Variants in KHDRBS3 observed in about 807,000 individuals in gnomAD.
The protein encoded by KHDRBS3 is KH domain-containing, RNA-binding, signal transduction-associated protein 3.
Under a neutral mutation model 45.6 loss-of-function variants are expected in KHDRBS3, and 23 were observed. The observed-to-expected ratio is 0.50, with a 90% CI of 0.36 to 0.72. KHDRBS3 has a LOEUF of 0.72. Among genes scored for constraint, KHDRBS3 ranks in the 30% least tolerant of loss-of-function variants. The pLI is 0.00. For missense variants in KHDRBS3, 352 were observed against 424.8 expected (o/e 0.83, Z 1.51); for synonymous variants, 162 against 156.5 (o/e 1.04, Z -0.26).
At chr8:135,537,341 C>T (rs184363700) in intron 2 of KHDRBS3, among the ~76,000 whole-genome samples, 4 of 152,210 alleles carry the variant, frequency 2.6e-5, no homozygotes, top group East Asian at 1.9e-4. Flanking sequence ...TAATGGAGAC[C>T]GTGACAGGTT....
chr8:135,516,383 T>C (rs1294942578), intron 1 of KHDRBS3, among the ~76,000 whole-genome samples: 2 of 152,198 alleles, frequency 1.3e-5, no homozygotes, highest in African/African-American at 4.8e-5. Context: ...CACAAACATG[T>C]AATGCTTTGT....
At chr8:135,604,964 A>G (rs974058767) in intron 6 of KHDRBS3, among the ~76,000 whole-genome samples, 15 of 149,140 alleles carry the variant, frequency 1.0e-4, no homozygotes, top group South Asian at 2.1e-4. Context: ...ATGGCTTCCT[A>G]TTGTCTTCTG....
chr8:135,485,371 G>A (rs971002840), intron 1 of KHDRBS3, among the ~76,000 whole-genome samples: 4 of 151,910 alleles, frequency 2.6e-5, no homozygotes, highest in Non-Finnish European at 4.4e-5. Flanking sequence ...GGCCTTACAG[G>A]ATGAGTAAGA....
At position 135,457,838 on chromosome 8, in the gene KHDRBS3, C is replaced by T; in HGVS notation, c.-29C>T. On this transcript the variant is annotated 5_prime_UTR_variant, in exon 1 of 9. Coordinates refer to ENST00000355849, the MANE Select transcript of KHDRBS3 (RefSeq NM_006558.3). This position sits in a 1 kb window ranked among gnomAD's most constrained non-coding sequence, Gnocchi z 4.4. ...GCGCCGCCCCCCGTGCGCCTGGAGT[C>T]CACATCCCGGGCCCGGCGGCCGGCG... The T allele has an allele frequency of 6.6e-7, 1 of 1,514,634 alleles. No individual in the cohort carries two copies. The allele number at this position is 1,514,634 out of a possible 1,614,324, so 93.8% of individuals were successfully genotyped here. A position where few individuals can be genotyped will look rare whatever the true frequency, so the allele number is the denominator to read the frequency against.
chr8:135,525,716 G>T (rs1468771838), intron 2 of KHDRBS3, among the ~76,000 whole-genome samples: 2 of 152,058 alleles, frequency 1.3e-5, no homozygotes, highest in Admixed American at 1.3e-4. Context: ...AAACATGACT[G>T]GTGGAAACCT....
intron 1 of KHDRBS3, among the ~76,000 whole-genome samples, chr8:135,486,491 A>C (rs1347879559): frequency 6.6e-6 from 1 of 152,190 alleles, no homozygotes; most frequent in Non-Finnish European, 1.5e-5. Flanking sequence ...AGTAGGAAAA[A>C]CAGATGCTAT....
chr8:135,573,432 A>G (rs933420776), intron 5 of KHDRBS3, among the ~76,000 whole-genome samples: 2 of 152,236 alleles, frequency 1.3e-5, no homozygotes, highest in African/African-American at 4.8e-5. Context: ...GGAAAGTATC[A>G]GGACAGAGTA....
chr8:135,600,096 C>T (rs1829141455), intron 6 of KHDRBS3, among the ~76,000 whole-genome samples: 1 of 151,860 alleles, frequency 6.6e-6, no homozygotes, highest in Admixed American at 6.6e-5. Context: ...TGGCAGGCAC[C>T]TCCCTGGGTG....
chr8:135,549,708 T>C (rs1826491157), intron 4 of KHDRBS3: 1 of 152,240 alleles, frequency 6.6e-6, no homozygotes, highest in South Asian at 2.1e-4. Context: ...ATCTGCCAAG[T>C]AGTTCTCTGG....
At chr8:135,644,083 A>G (rs1287378004) in intron 7 of KHDRBS3, among the ~76,000 whole-genome samples, 2 of 152,228 alleles carry the variant, frequency 1.3e-5, no homozygotes, top group African/African-American at 4.8e-5. Flanking sequence ...GGAGTGGGAA[A>G]GAGGAAAGCC....
intron 4 of KHDRBS3, among the ~76,000 whole-genome samples, chr8:135,654,680 C>T (rs1316377188): frequency 2.6e-5 from 4 of 152,142 alleles, no homozygotes; most frequent in South Asian, 2.1e-4. Flanking sequence ...CTGGTCTCCT[C>T]ACATTCCTGG....
At chr8:135,483,963 G>A (rs142809260) in intron 1 of KHDRBS3, among the ~76,000 whole-genome samples, 78 of 152,274 alleles carry the variant, frequency 5.1e-4, no homozygotes, top group African/African-American at 1.8e-3. Flanking sequence ...GCATGGTGAT[G>A]AAGATGAGGC....
chr8:135,558,138 AG>A (rs1464675797), intron 5 of KHDRBS3, among the ~76,000 whole-genome samples: 1 of 152,224 alleles, frequency 6.6e-6, no homozygotes, highest in Non-Finnish European at 1.5e-5. Flanking sequence ...GCACAGTGTG[AG>A]ACACCAAGTC....
chr8:135,503,908 A>G (rs1034576563), intron 1 of KHDRBS3, among the ~76,000 whole-genome samples: 3 of 152,162 alleles, frequency 2.0e-5, no homozygotes, highest in Non-Finnish European at 2.9e-5. Flanking sequence ...TTAAATTTGT[A>G]TTACCTCTTA....
At chr8:135,563,059 C>G (rs991248458) in intron 5 of KHDRBS3, among the ~76,000 whole-genome samples, 1 of 152,190 alleles carries the variant, frequency 6.6e-6, no homozygotes, top group Non-Finnish European at 1.5e-5. Flanking sequence ...CTAATCCACA[C>G]TACTCTTCCA....
intron 6 of KHDRBS3, among the ~76,000 whole-genome samples, chr8:135,606,655 G>C (rs1362992251): frequency 2.6e-5 from 4 of 152,100 alleles, no homozygotes; most frequent in African/African-American, 9.6e-5. Flanking sequence ...GTTCTTACCA[G>C]GATTCAGCCA....
downstream of KHDRBS3, among the ~76,000 whole-genome samples, chr8:135,652,384 C>T (rs540405088): frequency 6.6e-6 from 1 of 152,274 alleles, no homozygotes; most frequent in South Asian, 2.1e-4. Context: ...GTGATGAGTC[C>T]TTCGGTGACT....
intron 1 of KHDRBS3, among the ~76,000 whole-genome samples, chr8:135,517,647 T>C (rs1016336713): frequency 5.9e-5 from 9 of 152,226 alleles, no homozygotes; most frequent in Admixed American, 5.2e-4. Context: ...TTAACCAGTT[T>C]TGAATTGTAT....
chr8:135,621,965 G>A (rs551054521), intron 7 of KHDRBS3, among the ~76,000 whole-genome samples: 1 of 151,998 alleles, frequency 6.6e-6, no homozygotes, highest in Admixed American at 6.5e-5. Flanking sequence ...CCAAGTGAAT[G>A]TCACCTTGCT....
Sources: allele counts gnomAD v4.1 joint callset (sites outside exome capture counted in the v4.1 genomes callset), GRCh38; gene constraint gnomAD v4.1.1; non-coding constraint Gnocchi (gnomAD v3.1); transcripts MANE v1.5; gene names NCBI Gene and HGNC (gene_info 2026-07-23, HGNC 2026-07-21).